The following PIK3R6 variants were observed in gnomAD, a reference collection of about 807,000 sequenced individuals.
PIK3R6 encodes phosphoinositide 3-kinase regulatory subunit 6.
A neutral mutation model predicts 84.9 loss-of-function variants in PIK3R6; 91 were observed. The observed-to-expected ratio is 1.07, with a 90% CI of 0.90 to 1.28. The LOEUF (loss-of-function observed/expected upper bound fraction) is 1.28. PIK3R6 is among the 50% of genes most tolerant of loss of function. The pLI is 0.00. For synonymous variants in PIK3R6, 416 were observed against 411.4 expected, an observed-to-expected ratio of 1.01 and a Z score of -0.13; for missense variants, 996 against 985.1, an observed-to-expected ratio of 1.01 and a Z score of -0.15.
chr17:8,838,019 G>T, intron 4 of PIK3R6, 148 bp from the exon 5 acceptor site: 1 of 676,942 alleles, frequency 1.5e-6, no homozygotes, highest in African/African-American at 1.8e-5. Context: ...CTGGATAGAG[G>T]AGTGGGGAGG....
chr17:8,814,744 G>A (rs2087472585), intron 18 of PIK3R6, among the ~76,000 whole-genome samples: 1 of 152,068 alleles, frequency 6.6e-6, no homozygotes, highest in African/African-American at 2.4e-5. Flanking sequence ...ATGAAGGGAA[G>A]GAAATTATTT....
rs115571213 is a variant in PIK3R6, at chr17:8,850,550, G to A, written c.-91-665C>T. Among the ~76,000 whole-genome samples the A allele has an allele frequency of 5.8e-3, 890 of 152,248 alleles. 10 individuals carry two copies. Among genetic ancestry groups the A allele is most frequent in the African/African-American group, 0.02 (846 of 41,540 alleles). ...TGAGGACTTGGAACTCAGACCGTCT[G>A]GCTCTAGAGCCCTCCCTTAAGCATG... On this transcript the variant is annotated intron_variant, in intron 1 of 19. Transcript: ENST00000619866.
intron 13 of PIK3R6, among the ~76,000 whole-genome samples, chr17:8,825,088 C>T (rs897549920): frequency 2.0e-5 from 3 of 152,112 alleles, no homozygotes; most frequent in South Asian, 2.1e-4. Context: ...AGATACCATT[C>T]GCAATAGTAA....
At chr17:8,860,486 C>A (rs2089253703) in intron 1 of PIK3R6, among the ~76,000 whole-genome samples, 1 of 149,672 alleles carries the variant, frequency 6.7e-6, no homozygotes, top group Non-Finnish European at 1.5e-5. Context: ...CCCCTACCCA[C>A]CCCCAAACCC....
In PIK3R6 at chr17:8,804,045, C is replaced by T. The variant is rs374239194; in HGVS notation, c.2104G>A (p.Val702Ile). 31 of 1,613,618 alleles carry T rather than the reference C, an allele frequency of 1.9e-5. No individual in the cohort carries two copies. The highest frequency in any genetic ancestry group is 2.5e-5 in the Non-Finnish European group (30 of 1,179,516). Residue 702 changes from valine (V) to isoleucine (I), a missense_variant, in exon 19 of 20, where the codon GTC becomes ATC. Transcript: ENST00000619866. ...GGTTGGCAGGCCCAGCCTCACCTGA[C>T]CACATCCCTGAAAGTGCGTTGATCG... Reference protein sequence around the residue: ...KDDQRTFRDVVRFEVAPCPEP... With the variant: ...KDDQRTFRDVIRFEVAPCPEP...
intron 8 of PIK3R6, among the ~76,000 whole-genome samples, chr17:8,834,243 T>G (rs1051564382): frequency 1.3e-5 from 2 of 149,006 alleles, no homozygotes; most frequent in Non-Finnish European, 1.5e-5. Context: ...GCAAAGGCCC[T>G]GGGGTGCAAG....
chr17:8,831,260 G>T (rs2088228362), intron 9 of PIK3R6, among the ~76,000 whole-genome samples: 1 of 145,164 alleles, frequency 6.9e-6, no homozygotes, highest in East Asian at 2.0e-4. Flanking sequence ...AGCCCAGGAG[G>T]TCAAGGCTGC....
At chr17:8,840,569 C>G (rs2151279939) in intron 2 of PIK3R6, among the ~76,000 whole-genome samples, 1 of 145,276 alleles carries the variant, frequency 6.9e-6, no homozygotes, top group South Asian at 2.2e-4. Flanking sequence ...ATACAGTCTC[C>G]AAATACGTAT....
intron 10 of PIK3R6, 22 bp from the exon 11 acceptor site, chr17:8,829,012 G>A (rs551035262): frequency 2.7e-6 from 4 of 1,492,590 alleles, no homozygotes; most frequent in African/African-American, 2.8e-5. Flanking sequence ...GAACAAGGGC[G>A]GTGAGGACAC....
chr17:8,851,473 G>T (rs1315837124), intron 1 of PIK3R6, among the ~76,000 whole-genome samples: 1 of 152,138 alleles, frequency 6.6e-6, no homozygotes. Flanking sequence ...CTCCAGCCTG[G>T]GCGACAGAGT....
chr17:8,819,671 C>CATATATATAT (rs148918327), intron 17 of PIK3R6, among the ~76,000 whole-genome samples: 2,511 of 133,316 alleles, frequency 0.019, 25 homozygotes, highest in African/African-American at 0.041. Flanking sequence ...TTTTTTTGTG[C>CATATATATAT]ATATATATAT....
At position 8,827,745 on chromosome 17, in the gene PIK3R6, GAGAGAGAGAGAGAGAGAGGAGAGAGAGA is replaced by G. The variant is rs2087977887; in HGVS notation, c.1392+339_1392+366del. Among the ~76,000 whole-genome samples the G allele has an allele frequency of 1.8e-3, 163 of 89,566 alleles. 2 individuals are homozygous for G. Among genetic ancestry groups the G allele is most frequent in the African/African-American group, 7.0e-3 (154 of 21,890 alleles). The allele number at this position is 89,566 out of a possible 152,430, so 58.8% of individuals were successfully genotyped here. A position where few individuals can be genotyped will look rare whatever the true frequency, so the allele number is the denominator to read the frequency against. On this transcript the variant is annotated intron_variant, in intron 12 of 19. Transcript: ENST00000619866. Reference sequence around the variant, plus strand: ...GTATGAGAGAGGGGAGGGAAGGGGAGAGAGAGAGAGAGAGAGAGGAGAGAGAGAGAGAGAGAGAGAGAGAGAGAGAGAG... The same window carrying G: ...GTATGAGAGAGGGGAGGGAAGGGGAGGAGAGAGAGAGAGAGAGAGAGAGAG...
At chr17:8,829,413 G>A (rs1164774471) in intron 10 of PIK3R6, among the ~76,000 whole-genome samples, 2 of 120,578 alleles carry the variant, frequency 1.7e-5, no homozygotes, top group Non-Finnish European at 3.5e-5. Context: ...CATACACACA[G>A]ACACACTGAC....
intron 1 of PIK3R6, among the ~76,000 whole-genome samples, chr17:8,851,182 G>GAA (rs11454721): frequency 0.01 from 1,463 of 145,710 alleles, 21 homozygotes; most frequent in African/African-American, 0.034. Context: ...TAGATATACA[G>GAA]AAAAAAAAAA....
intron 10 of PIK3R6, 40 bp from the exon 11 acceptor site, chr17:8,829,030 T>A (rs2088063869): frequency 1.4e-6 from 2 of 1,480,008 alleles, no homozygotes; most frequent in Non-Finnish European, 9.0e-7. Context: ...CACGTGAGGC[T>A]GGCAGGGCTA....
intron 9 of PIK3R6, among the ~76,000 whole-genome samples, 182 bp downstream of exon 9, chr17:8,832,707 T>C (rs2088290597): frequency 6.6e-6 from 1 of 152,084 alleles, no homozygotes; most frequent in East Asian, 1.9e-4. Context: ...CCCAGCCTAA[T>C]TACCCGCCTC....
At chr17:8,853,961 GAA>G (rs58019683) in intron 1 of PIK3R6, among the ~76,000 whole-genome samples, 34,674 of 120,090 alleles carry the variant, frequency 0.29, 4,762 homozygotes, top group Non-Finnish European at 0.36. Flanking sequence ...GACTCCGTCT[GAA>G]AAAAAAAAAA....
chr17:8,819,372 T>A (rs2087643567), intron 17 of PIK3R6, among the ~76,000 whole-genome samples, 174 bp from the exon 18 acceptor site: 1 of 152,086 alleles, frequency 6.6e-6, no homozygotes. Context: ...TCCTTCTCAA[T>A]CATCCATCTT....
chr17:8,849,983 A>G, intron 1 of PIK3R6, 98 bp from the exon 2 acceptor site: 4 of 613,604 alleles, frequency 6.5e-6, no homozygotes. Flanking sequence ...GGCTTCTAGC[A>G]CACTGGGGGG....
Sources: allele counts gnomAD v4.1 joint callset (sites outside exome capture counted in the v4.1 genomes callset), GRCh38; gene constraint gnomAD v4.1.1; transcripts MANE v1.5; gene names NCBI Gene and HGNC (gene_info 2026-07-23, HGNC 2026-07-21).